LPP: variants seen among roughly 807,000 people sequenced by gnomAD.
LPP encodes the protein lipoma-preferred partner.
LPP carries 38 observed loss-of-function variants against 60.4 expected under a neutral mutation model. The ratio of observed to expected loss-of-function variants is 0.63; its 90% confidence interval spans 0.49 to 0.83. LPP has a LOEUF of 0.83. LPP is among the 40% of genes least tolerant of loss of function. LPP has a pLI of 0.00. For missense variants in LPP, 902 were observed against 783.6 expected (o/e 1.15, Z -1.80); for synonymous variants, 328 against 290.8 (o/e 1.13, Z -1.30).
intron 6 of LPP, among the ~76,000 whole-genome samples, chr3:188,555,241 G>GA (rs1212241896): frequency 6.6e-6 from 1 of 152,012 alleles, no homozygotes; most frequent in East Asian, 1.9e-4. Flanking sequence ...AGGAAGTGAG[G>GA]AAAAATAAGG....
At position 188,217,036 on chromosome 3, in the gene LPP, GAC is replaced by G. The variant is rs1446911376; in HGVS notation, c.-189-8361_-189-8360del. Among the ~76,000 whole-genome samples the G allele has an allele frequency of 1.3e-5, 2 of 152,202 alleles. No homozygotes were observed. Among genetic ancestry groups the G allele is most frequent in the Non-Finnish European group, 2.9e-5 (2 of 68,044 alleles). ...GTACTCGATTTAGAGCAAAGAGTAA[GAC>G]ACACACAACAACGATCTCTTGGTGC... On this transcript the variant is annotated intron_variant, in intron 1 of 11. Coordinates refer to ENST00000617246, the MANE Select transcript of LPP (RefSeq NM_001375462.1). The surrounding 1 kb of genome is among the most constrained non-coding windows in gnomAD (Gnocchi z 4.0).
chr3:188,823,274 T>C (rs80147361), intron 9 of LPP, among the ~76,000 whole-genome samples: 1,811 of 152,296 alleles, frequency 0.012, 38 homozygotes, highest in African/African-American at 0.041. Context: ...ATTTGAAGGA[T>C]CTCCTCCTAA....
chr3:188,687,017 G>T (rs1363317320), intron 7 of LPP, among the ~76,000 whole-genome samples: 1 of 152,220 alleles, frequency 6.6e-6, no homozygotes, highest in African/African-American at 2.4e-5. Context: ...TGTGCTGACT[G>T]AGGGCTTCAA....
chr3:188,533,851 A>T (rs894435066), intron 6 of LPP, among the ~76,000 whole-genome samples: 2 of 152,202 alleles, frequency 1.3e-5, no homozygotes, highest in African/African-American at 4.8e-5. Flanking sequence ...TATGACAGGC[A>T]ATTAATTTTT....
chr3:188,617,242 A>T (rs1160038959), intron 7 of LPP, among the ~76,000 whole-genome samples: 1 of 152,198 alleles, frequency 6.6e-6, no homozygotes, highest in African/African-American at 2.4e-5. Context: ...AACCCCTTAC[A>T]TTTACAGATG....
rs59514913 is a variant in LPP at position 188,563,460 on chromosome 3, A to ATGTGTGTGTGTGTGTGTGTG, written c.429+38680_429+38699dup. Among the ~76,000 whole-genome samples, 1,128 of 141,992 alleles carry ATGTGTGTGTGTGTGTGTGTG rather than the reference A, an allele frequency of 7.9e-3. 6 individuals are homozygous for ATGTGTGTGTGTGTGTGTGTG. Among genetic ancestry groups the ATGTGTGTGTGTGTGTGTGTG allele is most frequent in the African/African-American group, 0.018 (664 of 37,600 alleles). 93.2% of individuals were successfully genotyped at this position (141,992 alleles called of 152,430 possible). On this transcript the variant is annotated intron_variant, in intron 6 of 11. Transcript: ENST00000617246. The stretch of plus-strand genomic sequence containing the variant: ...CATTTATGTATACATTTACATATAT[A>ATGTGTGTGTGTGTGTGTGTG]TGTGTGTGTGTGTGTGTGTGTGTGT...
chr3:188,578,657 A>G (rs898908426), intron 6 of LPP, among the ~76,000 whole-genome samples: 11 of 151,960 alleles, frequency 7.2e-5, no homozygotes, highest in African/African-American at 2.7e-4. Flanking sequence ...GATTTGTTCA[A>G]CTAAGGAGAC....
At chr3:188,414,368 T>C (rs2148958052) in intron 4 of LPP, among the ~76,000 whole-genome samples, 1 of 152,280 alleles carries the variant, frequency 6.6e-6, no homozygotes, top group African/African-American at 2.4e-5. Context: ...TTCAGTATTG[T>C]GGATTAGGGT....
chr3:188,599,030 T>G (rs545968747), intron 6 of LPP, among the ~76,000 whole-genome samples: 18 of 152,264 alleles, frequency 1.2e-4, no homozygotes, highest in African/African-American at 3.8e-4. Context: ...TCTCACTACA[T>G]TTCTAGATGA....
chr3:188,754,398 C>T (rs1000646326), intron 8 of LPP, among the ~76,000 whole-genome samples: 5 of 152,110 alleles, frequency 3.3e-5, no homozygotes, highest in African/African-American at 9.7e-5. Context: ...TATTATGATG[C>T]GTTAGGAATT....
chr3:188,240,174 G>A (rs538710481), intron 2 of LPP: 1 of 184,012 alleles, frequency 5.4e-6, no homozygotes, highest in East Asian at 8.8e-5. Context: ...TGGGGTTTAT[G>A]TGTAAATGAT....
chr3:188,534,484 T>G (rs571969040), intron 6 of LPP, among the ~76,000 whole-genome samples: 10 of 152,340 alleles, frequency 6.6e-5, no homozygotes, highest in African/African-American at 2.4e-4. Context: ...GTTTCTCTGT[T>G]TCTTTCTTCC....
At chr3:188,850,803 G>T (rs12489773) in intron 9 of LPP, among the ~76,000 whole-genome samples, 3 of 151,870 alleles carry the variant, frequency 2.0e-5, no homozygotes, top group Non-Finnish European at 4.4e-5. Flanking sequence ...AGTTCTGGGC[G>T]CCACATGATG....
In LPP at chr3:188,608,816, C is replaced by T. The variant is rs80248452; in HGVS notation, c.430-345C>T. On this transcript the variant is annotated intron_variant, in intron 6 of 11. Coordinates refer to ENST00000617246, the MANE Select transcript of LPP (RefSeq NM_001375462.1). ...CAACCTATGAACACAGATGTTTATCCGTTTGTTTGTGTCTTGTATAATTTC... is the reference window on the plus strand; with the variant it reads ...CAACCTATGAACACAGATGTTTATCTGTTTGTTTGTGTCTTGTATAATTTC... 4.8e-3 allele frequency among the ~76,000 whole-genome samples: 735 copies of T among 152,108 alleles called. 2 individuals are homozygous for T. The highest frequency in any genetic ancestry group is 0.015 in the African/African-American group (636 of 41,514).
intron 4 of LPP, among the ~76,000 whole-genome samples, chr3:188,415,055 G>C (rs191697489): frequency 1.3e-5 from 2 of 152,074 alleles, no homozygotes; most frequent in Non-Finnish European, 2.9e-5. Flanking sequence ...AAGGTGATGG[G>C]TGCCTCCTAA....
chr3:188,426,683 G>A (rs576678996), intron 4 of LPP, among the ~76,000 whole-genome samples: 2 of 151,966 alleles, frequency 1.3e-5, no homozygotes, highest in Admixed American at 6.6e-5. Context: ...TTTTTGTTGC[G>A]TTGCTCCCTT....
At position 188,843,271 on chromosome 3, in the gene LPP, C is replaced by G. The variant is rs538944909; in HGVS notation, c.1411-22929C>G. 3.7e-4 allele frequency among the ~76,000 whole-genome samples: 56 copies of G among 152,280 alleles called. 1 individual carries two copies. The highest frequency in any genetic ancestry group is 1.1e-3 in the African/African-American group (46 of 41,554). On this transcript the variant is annotated intron_variant, in intron 9 of 11. Transcript: ENST00000617246. ...CTATTAGGAATGGACCTTTGCTTCT[C>G]ACAGCAGTCATTTATTCCTCCACTT...
chr3:188,223,980 C>T (rs530802737), intron 1 of LPP, among the ~76,000 whole-genome samples: 1 of 152,294 alleles, frequency 6.6e-6, no homozygotes, highest in East Asian at 1.9e-4. Context: ...AGTGATTATA[C>T]TCCATTTTGC....
At chr3:188,563,982 G>C (rs1440276813) in intron 6 of LPP, among the ~76,000 whole-genome samples, 4 of 151,802 alleles carry the variant, frequency 2.6e-5, no homozygotes, top group African/African-American at 9.7e-5. Flanking sequence ...GGGTATTCTT[G>C]TAACAGTCTT....
Sources: gnomAD v4.1 joint callset for allele counts (sites outside exome capture counted in the v4.1 genomes callset) on GRCh38, gnomAD v4.1.1 for gene constraint, Gnocchi (gnomAD v3.1) non-coding constraint, MANE v1.5 for transcripts, NCBI Gene and HGNC (gene_info 2026-07-23, HGNC 2026-07-21) for gene names.